CELF4: variants seen among roughly 807,000 people sequenced by gnomAD.
CELF4 encodes the protein CUG-BP- and ETR-3-like factor 4.
Under a neutral mutation model 59.9 loss-of-function variants are expected in CELF4, and 18 were observed. The observed-to-expected ratio is 0.30, with a 90% CI of 0.21 to 0.45. The LOEUF (loss-of-function observed/expected upper bound fraction) is 0.45. Among genes scored for constraint, CELF4 ranks in the 20% least tolerant of loss-of-function variants. The pLI, the probability that CELF4 is intolerant of heterozygous loss-of-function variation, is 1.00. For missense variants in CELF4, 456 were observed against 689.0 expected, an observed-to-expected ratio of 0.66 and a Z score of 3.79; for synonymous variants, 261 against 267.1, an observed-to-expected ratio of 0.98 and a Z score of 0.22.
chr18:37,394,941 A>ACCCGCCC (rs2099222949), intron 2 of CELF4, among the ~76,000 whole-genome samples: 4 of 94,698 alleles, frequency 4.2e-5, no homozygotes, highest in Non-Finnish European at 4.3e-5. Flanking sequence ...CATGCCCAAG[A>ACCCGCCC]CCCGCCCCCC....
At chr18:37,389,860 CACACAG>C (rs2099139174) in intron 2 of CELF4, among the ~76,000 whole-genome samples, 1 of 152,370 alleles carries the variant, frequency 6.6e-6, no homozygotes, top group African/African-American at 2.4e-5. Flanking sequence ...GTCACAAACA[CACACAG>C]GCACAGAGTC....
intron 2 of CELF4, among the ~76,000 whole-genome samples, chr18:37,440,310 G>A (rs765803384): frequency 6.6e-6 from 1 of 152,098 alleles, no homozygotes; most frequent in Admixed American, 6.5e-5. Flanking sequence ...CTGGAGCTCC[G>A]AGGACATCCT....
intron 10 of CELF4, among the ~76,000 whole-genome samples, chr18:37,260,252 T>A (rs374013965): frequency 3.9e-5 from 6 of 152,244 alleles, no homozygotes; most frequent in African/African-American, 1.4e-4. Context: ...CTGAACACTA[T>A]GCAGGGCTTT....
chr18:37,290,584 C>T (rs1423201548), intron 3 of CELF4, among the ~76,000 whole-genome samples: 1 of 152,112 alleles, frequency 6.6e-6, no homozygotes, highest in African/African-American at 2.4e-5. Context: ...CCAGGCCTAG[C>T]GCATCTCACC....
At chr18:37,416,940 A>AGGAGGAGGAAAG (rs2099533882) in intron 2 of CELF4, among the ~76,000 whole-genome samples, 1 of 152,122 alleles carries the variant, frequency 6.6e-6, no homozygotes, top group African/African-American at 2.4e-5. Context: ...AAGTAGACAA[A>AGGAGGAGGAAAG]GGAGGAGGAA....
intron 2 of CELF4, among the ~76,000 whole-genome samples, chr18:37,453,661 G>A (rs753576143): frequency 1.1e-4 from 17 of 152,108 alleles, no homozygotes; most frequent in African/African-American, 3.6e-4. Flanking sequence ...ACAGAGCATC[G>A]GGGGTCAATG....
intron 2 of CELF4, among the ~76,000 whole-genome samples, chr18:37,322,507 T>C (rs1024532548): frequency 1.3e-5 from 2 of 152,196 alleles, no homozygotes; most frequent in African/African-American, 4.8e-5. Flanking sequence ...ACTTGTCCCC[T>C]GTGGTGTCTG....
chr18:37,350,870 G>A (rs1327824188), intron 2 of CELF4, among the ~76,000 whole-genome samples: 1 of 152,134 alleles, frequency 6.6e-6, no homozygotes, highest in Non-Finnish European at 1.5e-5. Context: ...AAGAGGAGAG[G>A]GCATGGTCAG....
chr18:37,353,233 A>AAAATATATATATATATATATATAT (rs71168258), intron 2 of CELF4, among the ~76,000 whole-genome samples: 13 of 106,958 alleles, frequency 1.2e-4, no homozygotes, highest in Admixed American at 3.7e-4. Flanking sequence ...AAAAAAAAAA[A>AAAATATATATATATATATATATAT]ATATATATAT....
intron 2 of CELF4, among the ~76,000 whole-genome samples, chr18:37,361,653 G>T (rs561170975): frequency 3.3e-5 from 5 of 152,278 alleles, no homozygotes; most frequent in African/African-American, 1.2e-4. Context: ...GTGGGGAAGC[G>T]GACTAGCCCT....
intron 2 of CELF4, among the ~76,000 whole-genome samples, chr18:37,408,301 GCCT>G (rs890872730): frequency 5.9e-5 from 9 of 152,238 alleles, no homozygotes; most frequent in African/African-American, 2.2e-4. Context: ...CCTTCAGGAA[GCCT>G]CCTTCTTTGA....
intron 1 of CELF4, among the ~76,000 whole-genome samples, chr18:37,531,830 C>T (rs2099969850): frequency 6.6e-6 from 1 of 152,148 alleles, no homozygotes; most frequent in Non-Finnish European, 1.5e-5. Flanking sequence ...CAGTTAGGGT[C>T]CTTGGGTGCA....
intron 2 of CELF4, among the ~76,000 whole-genome samples, chr18:37,444,523 C>T (rs1426059080): frequency 6.6e-6 from 1 of 151,910 alleles, no homozygotes; most frequent in African/African-American, 2.4e-5. Flanking sequence ...TTCCCACTGC[C>T]CTGCTCTACC....
chr18:37,441,955 G>A (rs1273610560), intron 2 of CELF4, among the ~76,000 whole-genome samples: 1 of 125,310 alleles, frequency 8.0e-6, no homozygotes, highest in Non-Finnish European at 1.7e-5. Context: ...AGATGACACC[G>A]TGCGTCACCC....
At chr18:37,481,485 G>T (rs1369820157) in intron 2 of CELF4, among the ~76,000 whole-genome samples, 4 of 152,198 alleles carry the variant, frequency 2.6e-5, no homozygotes, top group Non-Finnish European at 5.9e-5. Context: ...GCTCTTCCTG[G>T]AAGACGATTC....
At chr18:37,427,198 G>C (rs1024890214) in intron 2 of CELF4, among the ~76,000 whole-genome samples, 1 of 152,192 alleles carries the variant, frequency 6.6e-6, no homozygotes, top group Admixed American at 6.5e-5. Context: ...AAGCAGATGT[G>C]CAGGATTGCT....
intron 3 of CELF4, among the ~76,000 whole-genome samples, chr18:37,298,724 C>CA (rs5824047): frequency 0.36 from 44,524 of 124,068 alleles, 7,767 homozygotes; most frequent in South Asian, 0.5. Flanking sequence ...GACTCTATCT[C>CA]AAAAAAAAAA....
At chr18:37,438,739 T>A (rs896961481) in intron 2 of CELF4, among the ~76,000 whole-genome samples, 3 of 152,202 alleles carry the variant, frequency 2.0e-5, no homozygotes, top group Admixed American at 6.5e-5. Flanking sequence ...ATTTCCCCTA[T>A]AAATGAAACA....
chr18:37,457,235 T>C (rs949594225), intron 2 of CELF4, among the ~76,000 whole-genome samples: 1 of 152,172 alleles, frequency 6.6e-6, no homozygotes, highest in Admixed American at 6.5e-5. Flanking sequence ...GGAGCTGTCT[T>C]CAGGAGACAC....
Sources: gnomAD v4.1 joint callset for allele counts (sites outside exome capture counted in the v4.1 genomes callset) on GRCh38, gnomAD v4.1.1 for gene constraint, MANE v1.5 for transcripts, NCBI Gene and HGNC (gene_info 2026-07-23, HGNC 2026-07-21) for gene names.